Variants in RNF180 observed in about 807,000 individuals in gnomAD.
RNF180 encodes E3 ubiquitin-protein ligase RNF180.
Under a neutral mutation model 59.2 loss-of-function variants are expected in RNF180, and 38 were observed. That is an observed-to-expected ratio of 0.64 (90% CI 0.50 to 0.84). The LOEUF is 0.84. Ranked by LOEUF, RNF180 falls within the 40% of genes least tolerant of loss-of-function variation. The pLI, the probability that RNF180 is intolerant of heterozygous loss-of-function variation, is 0.00. For synonymous variants in RNF180, 262 were observed against 240.3 expected, an observed-to-expected ratio of 1.09 and a Z score of -0.84; for missense variants, 705 against 700.9, an observed-to-expected ratio of 1.01 and a Z score of -0.07.
chr5:64,334,225 C>T (rs1294986296), intron 7 of RNF180, among the ~76,000 whole-genome samples: 1 of 152,176 alleles, frequency 6.6e-6, no homozygotes, highest in African/African-American at 2.4e-5. Context: ...CCCCCTCCAA[C>T]CTCCATAAGA....
At chr5:64,201,272 C>T (rs1751730286) in intron 2 of RNF180, among the ~76,000 whole-genome samples, 1 of 152,142 alleles carries the variant, frequency 6.6e-6, no homozygotes, top group African/African-American at 2.4e-5. Context: ...TCAGTAATCA[C>T]TGCACAATTA....
intron 7 of RNF180, among the ~76,000 whole-genome samples, chr5:64,348,268 T>A (rs1034525442): frequency 6.6e-6 from 1 of 152,108 alleles, no homozygotes; most frequent in African/African-American, 2.4e-5. Context: ...CTTTCGTTAC[T>A]TTTTTCTGGC....
chr5:64,267,124 T>C (rs1009943168), intron 5 of RNF180, among the ~76,000 whole-genome samples: 4 of 152,136 alleles, frequency 2.6e-5, no homozygotes, highest in Admixed American at 6.6e-5. Flanking sequence ...GAAACATCTC[T>C]GATCCTAAGG....
chr5:64,309,927 A>G (rs1743678234), intron 5 of RNF180, among the ~76,000 whole-genome samples: 1 of 151,570 alleles, frequency 6.6e-6, no homozygotes, highest in South Asian at 2.1e-4. Flanking sequence ...CAAAGGAACA[A>G]AGGCCTAGAG....
chr5:64,256,024 T>G (rs1249785962), intron 5 of RNF180, among the ~76,000 whole-genome samples: 2 of 152,238 alleles, frequency 1.3e-5, no homozygotes, highest in Non-Finnish European at 2.9e-5. Context: ...GTTCATATCC[T>G]TCGCCCACTT....
At chr5:64,313,423 C>T (rs1218574486) in intron 5 of RNF180, among the ~76,000 whole-genome samples, 1 of 151,962 alleles carries the variant, frequency 6.6e-6, no homozygotes, top group Non-Finnish European at 1.5e-5. Context: ...ATTTTCTGTT[C>T]TGTGTTAGTT....
chr5:64,165,521 G>GATCT (rs1561158709), upstream of RNF180, among the ~76,000 whole-genome samples: 1 of 152,220 alleles, frequency 6.6e-6, no homozygotes, highest in African/African-American at 2.4e-5. Flanking sequence ...AGTTGGCTTG[G>GATCT]ATCTCTTAAC....
At chr5:64,199,307 T>G (rs959873126) in intron 1 of RNF180, among the ~76,000 whole-genome samples, 2 of 152,206 alleles carry the variant, frequency 1.3e-5, no homozygotes, top group Non-Finnish European at 2.9e-5. Context: ...AGTTGATTAC[T>G]GTCTGTCCAT....
At position 64,369,876 on chromosome 5, in the gene RNF180, A is replaced by G. The variant is rs1561284760; in HGVS notation, c.*62A>G. On this transcript the variant is annotated 3_prime_UTR_variant, in exon 8 of 8. Transcript: ENST00000389100. ...TGATGTAAATAACAATTGCTTAAAC[A>G]TTTTTAAATGTGCTTTGAAGTTTTT... The G allele has an allele frequency of 2.1e-6, 2 of 957,892 alleles. No homozygotes were observed. The highest frequency in any genetic ancestry group is 3.4e-5 in the African/African-American group (2 of 58,956). The allele number at this position is 957,892 out of a possible 1,614,324, so 59.3% of individuals were successfully genotyped here.
intron 5 of RNF180, among the ~76,000 whole-genome samples, chr5:64,236,257 G>C (rs1288579785): frequency 6.6e-6 from 1 of 152,212 alleles, no homozygotes; most frequent in African/African-American, 2.4e-5. Flanking sequence ...CTGGAGTAAA[G>C]GTCACTTTTG....
intron 2 of RNF180, among the ~76,000 whole-genome samples, chr5:64,208,741 T>G (rs1000714887): frequency 6.6e-6 from 1 of 152,184 alleles, no homozygotes. Flanking sequence ...ACCCAGCTTT[T>G]TATGCTTTCC....
chr5:64,338,867 T>C (rs1228143974), intron 7 of RNF180, among the ~76,000 whole-genome samples: 1 of 152,138 alleles, frequency 6.6e-6, no homozygotes, highest in Non-Finnish European at 1.5e-5. Context: ...CTGAATCATA[T>C]TAATAGATTG....
chr5:64,195,650 AC>A (rs1173926677), intron 1 of RNF180, among the ~76,000 whole-genome samples: 8 of 152,232 alleles, frequency 5.3e-5, no homozygotes, highest in Non-Finnish European at 1.0e-4. Context: ...AAAACATCAA[AC>A]TTTTAAGTAA....
intron 7 of RNF180, among the ~76,000 whole-genome samples, chr5:64,344,829 C>T (rs1745491903): frequency 6.6e-6 from 1 of 151,786 alleles, no homozygotes; most frequent in Non-Finnish European, 1.5e-5. Context: ...TCTGCTTCAT[C>T]TGTGCAGCTG....
intron 6 of RNF180, among the ~76,000 whole-genome samples, chr5:64,327,005 C>G (rs887602886): frequency 6.6e-6 from 1 of 152,088 alleles, no homozygotes; most frequent in African/African-American, 2.4e-5. Context: ...ATTTGGTTTT[C>G]TACTTCCTCT....
At chr5:64,296,315 T>C (rs556609931) in intron 5 of RNF180, among the ~76,000 whole-genome samples, 1 of 152,276 alleles carries the variant, frequency 6.6e-6, no homozygotes, top group South Asian at 2.1e-4. Flanking sequence ...TTTTGAACAG[T>C]TTAGTTCAAA....
At chr5:64,225,635 C>CACCCCATCT (rs1741673332) in intron 5 of RNF180, among the ~76,000 whole-genome samples, 1 of 139,402 alleles carries the variant, frequency 7.2e-6, no homozygotes, top group Non-Finnish European at 1.6e-5. Context: ...TCTGCCCGGC[C>CACCCCATCT]GCCCCGTCTG....
chr5:64,250,949 A>G (rs941563897), intron 5 of RNF180, among the ~76,000 whole-genome samples: 1 of 152,172 alleles, frequency 6.6e-6, no homozygotes, highest in Admixed American at 6.6e-5. Flanking sequence ...CATAGATGCA[A>G]AAATCCTCAG....
At chr5:64,206,018 ATC>A (rs1189137045) in intron 2 of RNF180, among the ~76,000 whole-genome samples, 28 of 152,304 alleles carry the variant, frequency 1.8e-4, no homozygotes, top group Admixed American at 3.9e-4. Context: ...GTTAAATGAG[ATC>A]TAGAAGATCA....
Sources: gnomAD v4.1 joint callset for allele counts (sites outside exome capture counted in the v4.1 genomes callset) on GRCh38, gnomAD v4.1.1 for gene constraint, MANE v1.5 for transcripts, NCBI Gene and HGNC (gene_info 2026-07-23, HGNC 2026-07-21) for gene names.